The following HMCN1 variants were observed in gnomAD, a reference collection of about 807,000 sequenced individuals.
HMCN1 encodes hemicentin 1, also known as hemicentin-1.
A neutral mutation model predicts 625.9 loss-of-function variants in HMCN1; 321 were observed. That is an observed-to-expected ratio of 0.51 (90% CI 0.47 to 0.56). HMCN1 has a LOEUF of 0.56. Ranked by LOEUF, HMCN1 falls within the 20% of genes least tolerant of loss-of-function variation. HMCN1 has a pLI of 0.00. For missense variants in HMCN1, 6,588 were observed against 6,887.3 expected (o/e 0.96, Z 1.54); for synonymous variants, 2,425 against 2,417.6 (o/e 1.00, Z -0.09).
At chr1:186,064,012 G>T (rs1657947876) in intron 48 of HMCN1, among the ~76,000 whole-genome samples, 1 of 152,074 alleles carries the variant, frequency 6.6e-6, no homozygotes, top group Non-Finnish European at 1.5e-5. Context: ...TTCATTGTTT[G>T]TCTGCCTTAT....
At chr1:185,756,237 G>A (rs957614400) in intron 1 of HMCN1, among the ~76,000 whole-genome samples, 1 of 152,122 alleles carries the variant, frequency 6.6e-6, no homozygotes, top group African/African-American at 2.4e-5. Flanking sequence ...AGCCAGTTCG[G>A]TTTCTTACTA....
chr1:186,016,160 A>T lies in HMCN1; in HGVS notation c.5112A>T (p.Glu1704Asp). Residue 1704 changes from glutamate (E) to aspartate (D), a missense_variant, in exon 32 of 107, where the codon GAA (glutamate) becomes GAT (aspartate). Transcript: ENST00000271588. ...AACTCGAAATCATGAGTGCCCAAGA[A>T]ATTGATCGAGGACAGTACATATGCG... The part of the protein sequence containing the change: ...GKKLEIMSAQ[E>D]IDRGQYICVA... 6.2e-7 allele frequency: 1 copy of T among 1,613,444 alleles called. No homozygotes were observed. Among genetic ancestry groups the T allele is most frequent in the Non-Finnish European group, 8.5e-7 (1 of 1,179,536 alleles).
intron 85 of HMCN1, among the ~76,000 whole-genome samples, 180 bp from the exon 86 acceptor site, chr1:186,132,148 T>C (rs987794773): frequency 1.3e-5 from 2 of 152,112 alleles, no homozygotes; most frequent in African/African-American, 4.8e-5. Flanking sequence ...CTCCTCTTTC[T>C]CTTCCTCCTC....
intron 11 of HMCN1, among the ~76,000 whole-genome samples, chr1:185,954,358 A>T (rs1649467125): frequency 1.3e-5 from 2 of 152,232 alleles, no homozygotes; most frequent in Admixed American, 1.3e-4. Flanking sequence ...GTGAGAACTC[A>T]AGTAAGAAAA....
chr1:185,987,149 A>G (rs1571668103), intron 19 of HMCN1, among the ~76,000 whole-genome samples: 1 of 151,642 alleles, frequency 6.6e-6, no homozygotes, highest in East Asian at 1.9e-4. Flanking sequence ...AAAAAAAAGA[A>G]TTTTCTTCAG....
chr1:185,763,985 C>T (rs995652964), intron 1 of HMCN1, among the ~76,000 whole-genome samples: 2 of 152,026 alleles, frequency 1.3e-5, no homozygotes, highest in African/African-American at 4.8e-5. Context: ...GTTCTAGGAG[C>T]CAGGAAATGT....
intron 75 of HMCN1, 33 bp downstream of exon 75, chr1:186,115,447 TACAA>T (rs1419308369): frequency 3.8e-6 from 6 of 1,580,074 alleles, no homozygotes; most frequent in Middle Eastern, 1.7e-4. Context: ...ACCAACTATT[TACAA>T]ACAGTTTGTA....
At chr1:186,163,560 C>T (rs769668405) in intron 97 of HMCN1, among the ~76,000 whole-genome samples, 3 of 152,108 alleles carry the variant, frequency 2.0e-5, no homozygotes, top group Admixed American at 6.6e-5. Flanking sequence ...GCTCCTCCCC[C>T]CAATTAAGCA....
intron 4 of HMCN1, among the ~76,000 whole-genome samples, chr1:185,899,089 A>T (rs541437591): frequency 6.6e-5 from 10 of 152,196 alleles, no homozygotes; most frequent in Non-Finnish European, 1.2e-4. Context: ...TTACAAATTG[A>T]GGGGGAATTT....
chr1:185,756,972 A>ATATAT (rs142123528), intron 1 of HMCN1, among the ~76,000 whole-genome samples: 5,850 of 151,852 alleles, frequency 0.039, 329 homozygotes, highest in African/African-American at 0.13. Context: ...CTTCCCATAG[A>ATATAT]TTTATTTTAT....
chr1:185,851,032 A>T (rs968168431), intron 2 of HMCN1, among the ~76,000 whole-genome samples: 2 of 152,168 alleles, frequency 1.3e-5, no homozygotes, highest in Non-Finnish European at 2.9e-5. Context: ...ACACTAAACT[A>T]AAGGATATAT....
intron 26 of HMCN1, among the ~76,000 whole-genome samples, chr1:186,000,807 C>T (rs546845295): frequency 6.6e-6 from 1 of 151,420 alleles, no homozygotes; most frequent in African/African-American, 2.4e-5. Flanking sequence ...TTTAACCTTC[C>T]TCTGTTAATG....
At chr1:185,953,692 G>A (rs1035738938) in intron 11 of HMCN1, among the ~76,000 whole-genome samples, 24 of 151,804 alleles carry the variant, frequency 1.6e-4, no homozygotes, top group African/African-American at 5.6e-4. Context: ...CTTTCTCACG[G>A]AGCAAAGAGC....
chr1:186,064,605 C>T (rs986572778), intron 48 of HMCN1, among the ~76,000 whole-genome samples: 7 of 151,844 alleles, frequency 4.6e-5, no homozygotes, highest in African/African-American at 1.7e-4. Flanking sequence ...GTCAGGAGAT[C>T]AAGACCATCC....
chr1:186,161,247 GC>G (rs1369773446), intron 97 of HMCN1, among the ~76,000 whole-genome samples: 4 of 151,154 alleles, frequency 2.6e-5, no homozygotes, highest in Non-Finnish European at 5.9e-5. Flanking sequence ...TGCAACCCCT[GC>G]CTTTTTTTGT....
intron 97 of HMCN1, among the ~76,000 whole-genome samples, chr1:186,155,430 A>G (rs761773549): frequency 2.6e-5 from 4 of 152,066 alleles, no homozygotes; most frequent in Non-Finnish European, 5.9e-5. Flanking sequence ...TTCCCTAATT[A>G]TGCCTGCTTT....
At position 186,166,922 on chromosome 1, in the gene HMCN1, CTG is replaced by C; in HGVS notation, c.15555_15556del (p.Asp5186TrpfsTer8). 6.2e-7 allele frequency: 1 copy of C among 1,614,146 alleles called. No individual in the cohort carries two copies. The highest frequency in any genetic ancestry group is 8.5e-7 in the Non-Finnish European group (1 of 1,179,996). ...TGTGGAAGTGGCTTTCGAAGAACCTCTGATGGGCTGAGTTGTCAAGGTATAAA... is the reference window on the plus strand; with the variant it reads ...TGTGGAAGTGGCTTTCGAAGAACCTCATGGGCTGAGTTGTCAAGGTATAAA... On this transcript the variant is annotated frameshift_variant, in exon 100 of 107. Transcript: ENST00000271588. LOFTEE classifies it high-confidence loss of function.
intron 20 of HMCN1, among the ~76,000 whole-genome samples, chr1:185,989,199 G>C (rs913350927): frequency 2.0e-5 from 3 of 151,756 alleles, no homozygotes; most frequent in Admixed American, 1.3e-4. Context: ...AGTAGGGACG[G>C]GGTTTCACCG....
In HMCN1 at chr1:185,816,043, G is replaced by C. The variant is rs1236843578; in HGVS notation, c.269-29983G>C. Among the ~76,000 whole-genome samples, 8 of 150,048 alleles carry C rather than the reference G, an allele frequency of 5.3e-5. 1 individual carries two copies. The highest frequency in any genetic ancestry group is 2.0e-4 in the African/African-American group (8 of 39,452). On this transcript the variant is annotated intron_variant, in intron 1 of 106. Transcript: ENST00000271588. ...GAATTCATGGACTAAGTTTGATATAGGCAAAAATTGGGACCAGTAGAGCAA... is the reference window on the plus strand; with the variant it reads ...GAATTCATGGACTAAGTTTGATATACGCAAAAATTGGGACCAGTAGAGCAA...
Sources: allele counts gnomAD v4.1 joint callset (sites outside exome capture counted in the v4.1 genomes callset), GRCh38; gene constraint gnomAD v4.1.1; transcripts MANE v1.5; gene names NCBI Gene and HGNC (gene_info 2026-07-23, HGNC 2026-07-21).